ZFPM2: variants seen among roughly 807,000 people sequenced by gnomAD.
ZFPM2 encodes the protein zinc finger protein ZFPM2.
In ZFPM2, 20 loss-of-function variants were observed where a neutral mutation model predicts 98.6. That is an observed-to-expected ratio of 0.20 (90% CI 0.14 to 0.29). ZFPM2 has a LOEUF of 0.29. ZFPM2 is among the 10% of genes least tolerant of loss of function. The probability of loss-of-function intolerance (pLI) is 1.00; values close to 1 mark genes in which losing one functional copy is unlikely to be tolerated. For missense variants in ZFPM2, 1,310 were observed against 1,388.6 expected (o/e 0.94, Z 0.90); for synonymous variants, 518 against 502.7 (o/e 1.03, Z -0.41).
At chr8:105,494,966 A>G (rs773726410) in intron 3 of ZFPM2, among the ~76,000 whole-genome samples, 1 of 152,246 alleles carries the variant, frequency 6.6e-6, no homozygotes, top group Non-Finnish European at 1.5e-5. Context: ...TGAATTTTAT[A>G]TAATATTCAC....
At chr8:105,749,913 T>G (rs528119294) in intron 5 of ZFPM2, among the ~76,000 whole-genome samples, 21 of 152,122 alleles carry the variant, frequency 1.4e-4, no homozygotes, top group African/African-American at 4.8e-4. Context: ...GTTAGGAATT[T>G]GAGTATAATG....
At chr8:105,496,982 C>G (rs1364320667) in intron 3 of ZFPM2, among the ~76,000 whole-genome samples, 4 of 31,500 alleles carry the variant, frequency 1.3e-4, no homozygotes, top group African/African-American at 1.9e-4. Flanking sequence ...AACTCCGTCT[C>G]AAAAAAAAAA....
At chr8:105,725,568 T>G (rs1015438921) in intron 5 of ZFPM2, among the ~76,000 whole-genome samples, 8 of 151,748 alleles carry the variant, frequency 5.3e-5, no homozygotes, top group African/African-American at 1.9e-4. Flanking sequence ...TACCAGTACT[T>G]CAGGCATAAA....
chr8:105,765,810 T>A (rs1441806631), intron 5 of ZFPM2, among the ~76,000 whole-genome samples: 1 of 151,990 alleles, frequency 6.6e-6, no homozygotes, highest in African/African-American at 2.4e-5. Context: ...AGATAGGTTT[T>A]ACAATAGGAA....
At chr8:105,422,850 G>A (rs778339046) in intron 2 of ZFPM2, among the ~76,000 whole-genome samples, 77 of 152,196 alleles carry the variant, frequency 5.1e-4, no homozygotes, top group Non-Finnish European at 8.4e-4. Context: ...CCAATCATAT[G>A]TTATCATAAC....
chr8:105,597,246 A>T (rs1017925205), intron 4 of ZFPM2, among the ~76,000 whole-genome samples: 5 of 152,262 alleles, frequency 3.3e-5, no homozygotes, highest in African/African-American at 1.2e-4. Context: ...CGACATGGTC[A>T]GTTTTTAAAA....
At position 105,803,742 on chromosome 8, in the gene ZFPM2, T is replaced by C. The variant is rs534738923; in HGVS notation, c.*204T>C. ...GCCATTTTCAAAAAAATTAATTTAT[T>C]TTACCAGCAGTATTCATAGCTGTGG... On this transcript the variant is annotated 3_prime_UTR_variant, in exon 8 of 8. Coordinates refer to ENST00000407775, the MANE Select transcript of ZFPM2 (RefSeq NM_012082.4). 1 of 562,638 alleles carries C rather than the reference T, an allele frequency of 1.8e-6. No homozygotes were observed. Among genetic ancestry groups the C allele is most frequent in the African/African-American group, 1.9e-5 (1 of 53,070 alleles). 34.9% of individuals were successfully genotyped at this position (562,638 alleles called of 1,614,324 possible).
intron 3 of ZFPM2, among the ~76,000 whole-genome samples, chr8:105,534,073 TCCC>T (rs1321268272): frequency 2.3e-5 from 1 of 44,054 alleles, no homozygotes. Flanking sequence ...CCTTCCTTCC[TCCC>T]TCCCATCTTC....
chr8:105,708,405 A>C (rs1811309540), intron 5 of ZFPM2, among the ~76,000 whole-genome samples: 1 of 151,668 alleles, frequency 6.6e-6, no homozygotes, highest in African/African-American at 2.4e-5. Context: ...GTGAGATAGG[A>C]GTTTTCTTGG....
intron 4 of ZFPM2, among the ~76,000 whole-genome samples, chr8:105,611,137 A>G (rs1471075012): frequency 6.6e-6 from 1 of 152,170 alleles, no homozygotes; most frequent in Admixed American, 6.6e-5. Flanking sequence ...TTTGCTTATT[A>G]TATTAACTGA....
intron 3 of ZFPM2, among the ~76,000 whole-genome samples, chr8:105,550,290 C>T (rs1432294770): frequency 2.0e-5 from 3 of 152,128 alleles, no homozygotes; most frequent in Non-Finnish European, 4.4e-5. Context: ...GGCAGCTAAT[C>T]TTATAAATGA....
At chr8:105,348,836 G>A (rs1812587470) in intron 1 of ZFPM2, among the ~76,000 whole-genome samples, 1 of 152,078 alleles carries the variant, frequency 6.6e-6, no homozygotes, top group Non-Finnish European at 1.5e-5. Context: ...TTTGAAATCT[G>A]GAATTGTTTG....
At chr8:105,625,666 C>T (rs554937033) in intron 4 of ZFPM2, among the ~76,000 whole-genome samples, 2 of 151,692 alleles carry the variant, frequency 1.3e-5, no homozygotes, top group Non-Finnish European at 2.9e-5. Flanking sequence ...CTGCAACCTC[C>T]GCCTCCCAGG....
At position 105,327,854 on chromosome 8, in the gene ZFPM2, T is replaced by A. The variant is rs544788141; in HGVS notation, c.40+8873T>A. Among the ~76,000 whole-genome samples, 8 of 151,864 alleles carry A rather than the reference T, an allele frequency of 5.3e-5. No individual in the cohort carries two copies. In the South Asian group the frequency reaches 1.7e-3, roughly 31 times the overall value. Reference sequence around the variant, plus strand: ...ATTACTTACAATAGCATAAAAGGCCTTTTTTTCATTTTCTAGTAGAAGCTT... The same window carrying A: ...ATTACTTACAATAGCATAAAAGGCCATTTTTTCATTTTCTAGTAGAAGCTT... On this transcript the variant is annotated intron_variant, in intron 1 of 7. Transcript: ENST00000407775.
chr8:105,616,362 A>G (rs1816413335), intron 4 of ZFPM2, among the ~76,000 whole-genome samples: 1 of 152,138 alleles, frequency 6.6e-6, no homozygotes, highest in African/African-American at 2.4e-5. Flanking sequence ...TCATTTTGCT[A>G]GCAGTGGTAA....
intron 1 of ZFPM2, among the ~76,000 whole-genome samples, chr8:105,354,115 T>C (rs1812697224): frequency 2.0e-5 from 3 of 152,192 alleles, no homozygotes; most frequent in Admixed American, 2.0e-4. Flanking sequence ...GGATGCTAAC[T>C]TTTTTACACG....
chr8:105,765,007 C>G (rs550345491), intron 5 of ZFPM2, among the ~76,000 whole-genome samples: 1 of 151,920 alleles, frequency 6.6e-6, no homozygotes, highest in Admixed American at 6.6e-5. Flanking sequence ...TCCTCTGTTT[C>G]ATTTAAGAGC....
intron 3 of ZFPM2, among the ~76,000 whole-genome samples, chr8:105,532,211 A>G (rs1814311162): frequency 6.6e-6 from 1 of 152,128 alleles, no homozygotes; most frequent in Middle Eastern, 3.2e-3. Flanking sequence ...CCCTGTTGAT[A>G]ATTTCAACAT....
chr8:105,625,864 C>G (rs1186359709), intron 4 of ZFPM2, among the ~76,000 whole-genome samples: 1 of 151,770 alleles, frequency 6.6e-6, no homozygotes, highest in Non-Finnish European at 1.5e-5. Flanking sequence ...ATTACACGCC[C>G]AGCCTGAGAA....
Sources: gnomAD v4.1 joint callset for allele counts (sites outside exome capture counted in the v4.1 genomes callset) on GRCh38, gnomAD v4.1.1 for gene constraint, MANE v1.5 for transcripts, NCBI Gene and HGNC (gene_info 2026-07-23, HGNC 2026-07-21) for gene names.